DCUN1D4: variants seen among roughly 807,000 people sequenced by gnomAD.
The protein encoded by DCUN1D4 is DCN1-like protein 4.
A neutral mutation model predicts 47.9 loss-of-function variants in DCUN1D4; 22 were observed. That is an observed-to-expected ratio of 0.46 (90% CI 0.33 to 0.66). The LOEUF is 0.66. Ranked by LOEUF, DCUN1D4 falls within the 30% of genes least tolerant of loss-of-function variation. The pLI, the probability that DCUN1D4 is intolerant of heterozygous loss-of-function variation, is 0.02. For missense variants in DCUN1D4, 301 were observed against 340.8 expected (o/e 0.88, Z 0.92); for synonymous variants, 121 against 112.2 (o/e 1.08, Z -0.50).
chr4:51,896,389 T>C (rs1258409655), intron 7 of DCUN1D4, among the ~76,000 whole-genome samples: 1 of 152,166 alleles, frequency 6.6e-6, no homozygotes, highest in Non-Finnish European at 1.5e-5. Flanking sequence ...TGCTTCCTGC[T>C]CTTGAATCTG....
intron 1 of DCUN1D4, among the ~76,000 whole-genome samples, chr4:51,852,781 G>A (rs1213160126): frequency 6.6e-6 from 1 of 152,116 alleles, no homozygotes; most frequent in Admixed American, 6.5e-5. Context: ...CTGTTATTTC[G>A]GCTTTATGGA....
intron 1 of DCUN1D4, among the ~76,000 whole-genome samples, chr4:51,854,957 CA>C (rs887613996): frequency 1.8e-4 from 27 of 152,176 alleles, no homozygotes; most frequent in African/African-American, 5.5e-4. Context: ...ATAATACAAA[CA>C]ACAAAACCTG....
chr4:51,881,001 G>A (rs189771879), intron 5 of DCUN1D4, among the ~76,000 whole-genome samples: 23 of 152,146 alleles, frequency 1.5e-4, no homozygotes, highest in South Asian at 1.0e-3. Flanking sequence ...GGTGGCATGC[G>A]CCTGAGGTGC....
intron 8 of DCUN1D4, among the ~76,000 whole-genome samples, chr4:51,900,059 A>G (rs775947069): frequency 2.6e-5 from 4 of 152,192 alleles, no homozygotes; most frequent in African/African-American, 7.2e-5. Context: ...TTATTCTGAA[A>G]TGATGTTTTC....
chr4:51,901,339 G>A (rs1170148280), intron 8 of DCUN1D4, among the ~76,000 whole-genome samples: 4 of 152,168 alleles, frequency 2.6e-5, no homozygotes, highest in Non-Finnish European at 5.9e-5. Flanking sequence ...GGGAGAAATG[G>A]CCACGTTGTT....
At position 51,913,850 on chromosome 4, in the gene DCUN1D4, T is replaced by C; in HGVS notation, c.*266T>C. On this transcript the variant is annotated 3_prime_UTR_variant, in exon 11 of 11. Coordinates refer to ENST00000334635, the MANE Select transcript of DCUN1D4 (RefSeq NM_001040402.3). ...CTGTGATTATGTGTATATTGCTGTT[T>C]AAATTTTGTATATGTGTATAAAAGG... is the stretch of plus-strand genomic sequence containing the variant. 5.4e-6 allele frequency: 2 copies of C among 369,390 alleles called. No homozygotes were observed. The highest frequency in any genetic ancestry group is 9.7e-6 in the Non-Finnish European group (2 of 206,960). The allele number at this position is 369,390 out of a possible 1,614,324, so 22.9% of individuals were successfully genotyped here.
At chr4:51,868,020 G>A (rs1726249012) in intron 3 of DCUN1D4, among the ~76,000 whole-genome samples, 1 of 152,222 alleles carries the variant, frequency 6.6e-6, no homozygotes, top group African/African-American at 2.4e-5. Flanking sequence ...GCAGGGGGCT[G>A]GTGTGTCAGC....
intron 1 of DCUN1D4, chr4:51,844,766 C>A: frequency 1.1e-6 from 1 of 937,766 alleles, no homozygotes; most frequent in Non-Finnish European, 1.3e-6. Flanking sequence ...AAAGGCGGTC[C>A]CGCCGAATTC....
intron 5 of DCUN1D4, among the ~76,000 whole-genome samples, chr4:51,883,986 T>C (rs1729083441): frequency 6.7e-6 from 1 of 148,318 alleles, no homozygotes; most frequent in African/African-American, 2.4e-5. Flanking sequence ...TATATAAATA[T>C]ATATATTTAT....
At position 51,874,389 on chromosome 4, in the gene DCUN1D4, T is replaced by G. The variant is rs1474305014; in HGVS notation, c.251+4T>G. 4 of 1,596,468 alleles carry G rather than the reference T, an allele frequency of 2.5e-6. No individual in the cohort carries two copies. In the Admixed American group the frequency reaches 6.8e-5, roughly 27 times the overall value. On this transcript the variant is annotated splice_donor_region_variant and intron_variant, in intron 4 of 10. Coordinates refer to ENST00000334635, the MANE Select transcript of DCUN1D4 (RefSeq NM_001040402.3). ...CCAAGAAAAGTAGACATGATAGGTA[T>G]GATGTAGAGACAGTAGATCAGAATC...
At chr4:51,872,158 A>G (rs1726998688) in intron 3 of DCUN1D4, among the ~76,000 whole-genome samples, 1 of 152,210 alleles carries the variant, frequency 6.6e-6, no homozygotes, top group African/African-American at 2.4e-5. Context: ...AAGGACCCTC[A>G]TCTGGGCCAG....
At chr4:51,889,741 A>T (rs1730132401) in intron 6 of DCUN1D4, among the ~76,000 whole-genome samples, 1 of 152,226 alleles carries the variant, frequency 6.6e-6, no homozygotes. Context: ...AAGAGTCAGA[A>T]TTCCTAGAAA....
chr4:51,840,831 G>T (rs1721614225), upstream of DCUN1D4, among the ~76,000 whole-genome samples: 2 of 152,138 alleles, frequency 1.3e-5, no homozygotes, highest in South Asian at 4.1e-4. Flanking sequence ...GGCAGTGAGG[G>T]TCAGCCGACT....
At chr4:51,866,957 T>C (rs772197198) in intron 3 of DCUN1D4, among the ~76,000 whole-genome samples, 2 of 152,192 alleles carry the variant, frequency 1.3e-5, no homozygotes, top group Non-Finnish European at 2.9e-5. Context: ...CTGCACTCAG[T>C]TCTCACTACT....
At chr4:51,848,226 G>A (rs773880153) in intron 1 of DCUN1D4, 162 of 1,289,144 alleles carry the variant, frequency 1.3e-4, no homozygotes, top group Non-Finnish European at 1.6e-4. Context: ...AGAGAATGTG[G>A]CGTGGAGAAA....
chr4:51,914,410 T>C lies in DCUN1D4; in HGVS notation c.*826T>C, dbSNP rs934494465. On this transcript the variant is annotated 3_prime_UTR_variant, in exon 11 of 11. Coordinates refer to ENST00000334635, the MANE Select transcript of DCUN1D4 (RefSeq NM_001040402.3). The stretch of plus-strand genomic sequence containing the variant: ...TTCTAGCCAGTGATTGATCTGCTAA[T>C]GCTTTCTTTGCCACTCTAAGTAAAA... 1.3e-5 allele frequency: 2 copies of C among 152,376 alleles called. No homozygotes were observed. The highest frequency in any genetic ancestry group is 3.8e-4 in the East Asian group (2 of 5,200). 9.4% of individuals were successfully genotyped at this position (152,376 alleles called of 1,614,324 possible). A position where few individuals can be genotyped will look rare whatever the true frequency, so the allele number is the denominator to read the frequency against.
At chr4:51,911,877 C>T (rs1239780285) in intron 9 of DCUN1D4, among the ~76,000 whole-genome samples, 1 of 152,104 alleles carries the variant, frequency 6.6e-6, no homozygotes, top group Non-Finnish European at 1.5e-5. Context: ...CCTCCTGCCC[C>T]AAGCCCTTCT....
intron 1 of DCUN1D4, among the ~76,000 whole-genome samples, chr4:51,845,944 A>G (rs1722478646): frequency 6.6e-6 from 1 of 152,240 alleles, no homozygotes; most frequent in Non-Finnish European, 1.5e-5. Context: ...TCTTGGTAAT[A>G]TAAAAATATG....
chr4:51,890,344 A>G (rs542827895), intron 6 of DCUN1D4, among the ~76,000 whole-genome samples: 2 of 152,286 alleles, frequency 1.3e-5, no homozygotes, highest in South Asian at 2.1e-4. Context: ...TGGTGTTTTA[A>G]TGGTTTTGAA....
Sources: gnomAD v4.1 joint callset for allele counts (sites outside exome capture counted in the v4.1 genomes callset) on GRCh38, gnomAD v4.1.1 for gene constraint, MANE v1.5 for transcripts, NCBI Gene and HGNC (gene_info 2026-07-23, HGNC 2026-07-21) for gene names.